The following EHBP1 variants were observed in gnomAD, a reference collection of about 807,000 sequenced individuals.
EHBP1 encodes the protein EH domain binding protein 1, also known as EH domain-binding protein 1.
Under a neutral mutation model 144.0 loss-of-function variants are expected in EHBP1, and 55 were observed. That is an observed-to-expected ratio of 0.38 (90% CI 0.31 to 0.48). The LOEUF (loss-of-function observed/expected upper bound fraction) is 0.48, where lower values mean the gene tolerates loss of function less well. EHBP1 is among the 20% of genes least tolerant of loss of function. The pLI is 0.98. For missense variants in EHBP1, 1,200 were observed against 1,364.2 expected, an observed-to-expected ratio of 0.88 and a Z score of 1.90; for synonymous variants, 469 against 472.7, an observed-to-expected ratio of 0.99 and a Z score of 0.10.
At chr2:62,858,258 A>T (rs148791621) in intron 7 of EHBP1, 4 of 522,636 alleles carry the variant, frequency 7.7e-6, no homozygotes, top group African/African-American at 7.5e-5. Context: ...CATATCTGTT[A>T]TGGGTTCATC....
chr2:63,024,293 A>C (rs554100444), intron 19 of EHBP1, among the ~76,000 whole-genome samples: 1 of 152,330 alleles, frequency 6.6e-6, no homozygotes, highest in South Asian at 2.1e-4. Context: ...GCAGTGAGCC[A>C]AGACTGCACA....
intron 9 of EHBP1, among the ~76,000 whole-genome samples, chr2:62,869,078 C>T (rs1239927152): frequency 2.6e-5 from 4 of 152,174 alleles, no homozygotes; most frequent in Middle Eastern, 3.4e-3. Context: ...CAAGAAAATG[C>T]AAATTGATAC....
chr2:62,895,171 A>C (rs2052796226), intron 10 of EHBP1, among the ~76,000 whole-genome samples: 1 of 152,132 alleles, frequency 6.6e-6, no homozygotes, highest in African/African-American at 2.4e-5. Flanking sequence ...TTGGGAAGTA[A>C]AAGAATAGTG....
chr2:62,954,550 TTTC>T (rs2057578348), intron 13 of EHBP1, among the ~76,000 whole-genome samples: 1 of 152,148 alleles, frequency 6.6e-6, no homozygotes. Context: ...AGAAAAATCT[TTTC>T]TTCTTTAAGT....
At chr2:62,794,783 G>A (rs2043421468) in intron 5 of EHBP1, among the ~76,000 whole-genome samples, 2 of 151,928 alleles carry the variant, frequency 1.3e-5, no homozygotes, top group African/African-American at 4.8e-5. Context: ...AAGAGAGAAA[G>A]GTATTCAGCA....
chr2:62,903,998 C>T lies in EHBP1; in HGVS notation c.1185+29466C>T, dbSNP rs183111896. On this transcript the variant is annotated intron_variant, in intron 10 of 22. Transcript: ENST00000431489. ...ACCAAATCTAAGAAATAATTACTTA[C>T]CTTTCTATGTTTTGGTTTATTTTTG... is the stretch of plus-strand genomic sequence containing the variant. Among the ~76,000 whole-genome samples, 357 of 152,288 alleles carry T rather than the reference C, an allele frequency of 2.3e-3. 1 individual carries two copies. Among genetic ancestry groups the T allele is most frequent in the Non-Finnish European group, 4.1e-3 (279 of 68,026 alleles).
chr2:62,879,596 CAGAG>C (rs111441984), intron 10 of EHBP1, among the ~76,000 whole-genome samples: 15 of 141,020 alleles, frequency 1.1e-4, no homozygotes, highest in African/African-American at 2.9e-4. Flanking sequence ...CACACAGAGA[CAGAG>C]AGAGAGAGAG....
chr2:63,006,286 T>C (rs372456503), intron 19 of EHBP1, among the ~76,000 whole-genome samples: 1 of 151,948 alleles, frequency 6.6e-6, no homozygotes, highest in Non-Finnish European at 1.5e-5. Context: ...ATGCCACTCA[T>C]TGACATCTAG....
chr2:62,829,655 C>G (rs2046648885), intron 6 of EHBP1, among the ~76,000 whole-genome samples: 1 of 142,350 alleles, frequency 7.0e-6, no homozygotes, highest in Non-Finnish European at 1.5e-5. Flanking sequence ...ATATATACTA[C>G]TATATATTAT....
At position 62,752,344 on chromosome 2, in the gene EHBP1, G is replaced by T. The variant is rs564932726; in HGVS notation, c.162+4892G>T. Among the ~76,000 whole-genome samples the T allele has an allele frequency of 1.4e-3, 210 of 152,150 alleles. 5 individuals are homozygous for T. The South Asian group carries it at 0.042, about 30-fold the overall frequency. ...CTAGTTTGATTGCACTGTGGTCTGA[G>T]AGACTGTTTTAATTTCTGTTCTTTT... On this transcript the variant is annotated intron_variant, in intron 3 of 22. Transcript: ENST00000431489.
intron 2 of EHBP1, among the ~76,000 whole-genome samples, chr2:62,712,099 TGTG>T (rs1338538216): frequency 1.6e-4 from 24 of 152,230 alleles, no homozygotes; most frequent in Middle Eastern, 6.8e-3. Flanking sequence ...AAATGGATGA[TGTG>T]GTGGGAGAGG....
intron 7 of EHBP1, among the ~76,000 whole-genome samples, chr2:62,833,779 A>G (rs768846812): frequency 6.6e-6 from 1 of 152,232 alleles, no homozygotes; most frequent in Non-Finnish European, 1.5e-5. Flanking sequence ...AATACATTTT[A>G]TAAGGTGTAG....
At chr2:63,044,354 G>A (rs1247802324) in intron 21 of EHBP1, 3 of 149,940 alleles carry the variant, frequency 2.0e-5, no homozygotes, top group African/African-American at 7.4e-5. Context: ...AAAGAAATAT[G>A]TAATTTTTCC....
chr2:62,750,397 T>C (rs1319784908), intron 3 of EHBP1, among the ~76,000 whole-genome samples: 1 of 152,200 alleles, frequency 6.6e-6, no homozygotes, highest in African/African-American at 2.4e-5. Flanking sequence ...CCTTGTAGTA[T>C]AGTTTGAAGT....
At chr2:62,691,664 A>T (rs1358340235) in intron 1 of EHBP1, among the ~76,000 whole-genome samples, 1 of 152,204 alleles carries the variant, frequency 6.6e-6, no homozygotes, top group Non-Finnish European at 1.5e-5. Context: ...CCTTAATTTT[A>T]CTGATAAATG....
At chr2:62,719,900 C>CTGTA (rs752646516) in intron 2 of EHBP1, among the ~76,000 whole-genome samples, 137 of 152,284 alleles carry the variant, frequency 9.0e-4, no homozygotes, top group Non-Finnish European at 2.8e-4. Context: ...TAATGGAAGA[C>CTGTA]TGTACTAGCT....
chr2:62,908,185 A>G (rs934226022), intron 10 of EHBP1, among the ~76,000 whole-genome samples: 1 of 152,196 alleles, frequency 6.6e-6, no homozygotes, highest in Non-Finnish European at 1.5e-5. Context: ...GGTAGTTTAA[A>G]TCTTCCAAAG....
intron 1 of EHBP1, among the ~76,000 whole-genome samples, chr2:62,692,616 C>T (rs1262257011): frequency 6.6e-6 from 1 of 152,124 alleles, no homozygotes; most frequent in East Asian, 1.9e-4. Context: ...ATTCCCATTT[C>T]TCTGATGGCA....
At chr2:62,937,821 G>C (rs1377181938) in intron 10 of EHBP1, among the ~76,000 whole-genome samples, 1 of 152,096 alleles carries the variant, frequency 6.6e-6, no homozygotes, top group Non-Finnish European at 1.5e-5. Context: ...AAAGATTTGG[G>C]ATTCAATACT....
Sources: allele counts gnomAD v4.1 joint callset (sites outside exome capture counted in the v4.1 genomes callset), GRCh38; gene constraint gnomAD v4.1.1; transcripts MANE v1.5; gene names NCBI Gene and HGNC (gene_info 2026-07-23, HGNC 2026-07-21).